SPAG9: variants seen among roughly 807,000 people sequenced by gnomAD.
SPAG9 encodes the protein sperm associated antigen 9, also known as C-Jun-amino-terminal kinase-interacting protein 4.
A neutral mutation model predicts 166.5 loss-of-function variants in SPAG9; 35 were observed. The ratio of observed to expected loss-of-function variants is 0.21; its 90% confidence interval spans 0.16 to 0.28. The LOEUF (loss-of-function observed/expected upper bound fraction) is 0.28, where lower values mean the gene tolerates loss of function less well. Ranked by LOEUF, SPAG9 falls within the 10% of genes least tolerant of loss-of-function variation. SPAG9 has a pLI of 1.00. For synonymous variants in SPAG9, 534 were observed against 565.5 expected (o/e 0.94, Z 0.79); for missense variants, 1,235 against 1,603.3 (o/e 0.77, Z 3.92).
chr17:51,035,996 A>C (rs1215493514), intron 5 of SPAG9, among the ~76,000 whole-genome samples: 1 of 152,214 alleles, frequency 6.6e-6, no homozygotes, highest in African/African-American at 2.4e-5. Context: ...AAGACTAGGA[A>C]AAATGAAGCT....
chr17:50,985,119 T>G (rs1012764881), intron 23 of SPAG9, 129 bp from the exon 24 acceptor site: 2 of 705,214 alleles, frequency 2.8e-6, no homozygotes, highest in Admixed American at 5.0e-5. Context: ...CACCTGAATA[T>G]AAATGAACAC....
chr17:51,100,477 T>C (rs961568455), intron 1 of SPAG9, among the ~76,000 whole-genome samples: 1 of 152,110 alleles, frequency 6.6e-6, no homozygotes, highest in Admixed American at 6.6e-5. Flanking sequence ...TGGTGGTGTC[T>C]GGCTTGATGC....
Position 50,995,125 on chromosome 17 carries a change from C to T in SPAG9, c.2158G>A (p.Asp720Asn), listed in dbSNP as rs1237431261. 1 of 1,614,052 alleles carries T rather than the reference C, an allele frequency of 6.2e-7. No individual in the cohort carries two copies. The highest frequency in any genetic ancestry group is 8.5e-7 in the Non-Finnish European group (1 of 1,179,964). Reference sequence around the variant, plus strand: ...CTTCGCTGTTTACTGCCTTCTGTATCCAAACCAGCAACATCCTTGTAAAAT... The same window carrying T: ...CTTCGCTGTTTACTGCCTTCTGTATTCAAACCAGCAACATCCTTGTAAAAT... ...SVFYKDVAGL[D>N]TEGSKQRSAS... is the part of the protein sequence containing the mutation. Residue 720 changes from aspartate (D) to asparagine (N), a missense_variant, in exon 18 of 30, where the codon GAT (aspartate) becomes AAT (asparagine). This residue lies in a region of SPAG9 where 493 missense variants were observed against 559.4 expected (regional missense o/e 0.88). Coordinates refer to ENST00000262013, the MANE Select transcript of SPAG9 (RefSeq NM_001130528.3).
chr17:51,007,205 A>C (rs2144029671), intron 10 of SPAG9, 64 bp downstream of exon 10: 1 of 917,326 alleles, frequency 1.1e-6, no homozygotes, highest in Middle Eastern at 2.2e-4. Flanking sequence ...AAAACGATGA[A>C]GTGTCATTGA....
chr17:50,982,569 A>G lies in SPAG9; in HGVS notation c.3192T>C (p.Tyr1064=). 2 of 1,614,110 alleles carry G rather than the reference A, an allele frequency of 1.2e-6. No homozygotes were observed. The highest frequency in any genetic ancestry group is 1.7e-6 in the Non-Finnish European group (2 of 1,179,984). The change falls in exon 25 of 30, where the codon TAT becomes TAC. Residue 1064 remains tyrosine (Y), a synonymous_variant. Coordinates refer to ENST00000262013, the MANE Select transcript of SPAG9 (RefSeq NM_001130528.3). The part of the protein sequence containing the change: ...TVVHDKVWCG[Y]RNKIYVVQPK... ...GCTGCACCACATAGATTTTGTTCCTATAGCCACACCAGACTTTGTCATGTA... is the reference window on the plus strand; with the variant it reads ...GCTGCACCACATAGATTTTGTTCCTGTAGCCACACCAGACTTTGTCATGTA...
intron 28 of SPAG9, among the ~76,000 whole-genome samples, chr17:50,972,436 T>G (rs2051314343): frequency 6.6e-6 from 1 of 152,252 alleles, no homozygotes. Flanking sequence ...AAATTACTAG[T>G]AAATGTGCTG....
rs557081595 is a variant in SPAG9 at position 51,112,539 on chromosome 17, C to T, written c.303+7815G>A. Reference sequence around the variant, plus strand: ...TACAAAAATTAGCTGGGTGTGATGGCGCGCGCCTGTAGTCCCAGCTACTCA... The same window carrying T: ...TACAAAAATTAGCTGGGTGTGATGGTGCGCGCCTGTAGTCCCAGCTACTCA... On this transcript the variant is annotated intron_variant, in intron 1 of 29. Transcript: ENST00000262013. 4.0e-5 allele frequency among the ~76,000 whole-genome samples: 6 copies of T among 151,418 alleles called. No individual in the cohort carries two copies. In the East Asian group the frequency reaches 7.8e-4, roughly 20 times the overall value.
At position 51,115,925 on chromosome 17, in the gene SPAG9, C is replaced by T. The variant is rs1056069009; in HGVS notation, c.303+4429G>A. Among the ~76,000 whole-genome samples, 3 of 152,178 alleles carry T rather than the reference C, an allele frequency of 2.0e-5. No homozygotes were observed. The South Asian group carries it at 6.2e-4, about 31-fold the overall frequency. ...TGTAATCTCCCTCTACTGAATGATG[C>T]TAAATGAGCTCTCACTTTGAGAATA... is the stretch of plus-strand genomic sequence containing the variant. On this transcript the variant is annotated intron_variant, in intron 1 of 29. Coordinates refer to ENST00000262013, the MANE Select transcript of SPAG9 (RefSeq NM_001130528.3).
In SPAG9 at chr17:51,120,444, G is replaced by A. The variant is rs997132796; in HGVS notation, c.213C>T (p.His71=). 5.0e-6 allele frequency: 8 copies of A among 1,613,666 alleles called. No homozygotes were observed. Among genetic ancestry groups the A allele is most frequent in the African/African-American group, 4.0e-5 (3 of 74,928 alleles). Residue 71 remains histidine, a synonymous_variant, in exon 1 of 30, where the codon CAC becomes CAT. Transcript: ENST00000262013. This position sits in a 1 kb window ranked among gnomAD's most constrained non-coding sequence, Gnocchi z 4.7. Reference sequence around the variant, plus strand: ...CCCGCAGCAGCTCCAGCTCCACCTGGTGCTCCTGGTCCTGCGCGAACACCG... The same window carrying A: ...CCCGCAGCAGCTCCAGCTCCACCTGATGCTCCTGGTCCTGCGCGAACACCG... ...LDSVFAQDQE[H]QVELELLRDD...
chr17:51,002,173 G>T (rs753611564), intron 12 of SPAG9, among the ~76,000 whole-genome samples: 3 of 151,886 alleles, frequency 2.0e-5, no homozygotes, highest in Non-Finnish European at 4.4e-5. Flanking sequence ...ATGTCAACAC[G>T]CCTGACTAAT....
chr17:50,985,124 G>C, intron 23 of SPAG9, 134 bp from the exon 24 acceptor site: 1 of 684,674 alleles, frequency 1.5e-6, no homozygotes, highest in Non-Finnish European at 2.6e-6. Flanking sequence ...GAATATAAAT[G>C]AACACACCAC....
intron 13 of SPAG9, among the ~76,000 whole-genome samples, chr17:51,000,773 A>G (rs1445329191): frequency 1.3e-5 from 2 of 151,850 alleles, no homozygotes; most frequent in East Asian, 3.8e-4. Context: ...AAATAAATAA[A>G]TAAATAAATA....
chr17:50,977,421 T>C (rs529389101), intron 26 of SPAG9, among the ~76,000 whole-genome samples, 200 bp from the exon 27 acceptor site: 6 of 152,330 alleles, frequency 3.9e-5, no homozygotes, highest in Admixed American at 1.3e-4. Context: ...TAAGCTCATA[T>C]TGGGGCTTAT....
In SPAG9 at chr17:51,037,689, T is replaced by TATATATATATATATATATATA. The variant is rs1568028348; in HGVS notation, c.741+3811_741+3812insTATATATATATATATATATAT. ...TTTATATATATATATATATATAGTG[T>TATATATATATATATATATATA]GTGTGTGTGTGTGTGTGTGTGTGTG... On this transcript the variant is annotated intron_variant, in intron 5 of 29. Coordinates refer to ENST00000262013, the MANE Select transcript of SPAG9 (RefSeq NM_001130528.3). Among the ~76,000 whole-genome samples the TATATATATATATATATATATA allele has an allele frequency of 3.9e-4, 32 of 82,574 alleles. 1 individual carries two copies. Among genetic ancestry groups the TATATATATATATATATATATA allele is most frequent in the African/African-American group, 8.8e-4 (21 of 23,830 alleles). The allele number at this position is 82,574 out of a possible 152,430, so 54.2% of individuals were successfully genotyped here.
Position 51,021,190 on chromosome 17 carries a change from T to G in SPAG9, c.959A>C (p.Gln320Pro). The G allele has an allele frequency of 6.2e-7, 1 of 1,614,088 alleles. No homozygotes were observed. The highest frequency in any genetic ancestry group is 2.2e-5 in the East Asian group (1 of 44,856). Residue 320 changes from glutamine (Q) to proline (P), a missense_variant, in exon 7 of 30, where the codon CAG (glutamine) becomes CCG (proline). Transcript: ENST00000262013. ...TACATTTCTAGTTTCCTGGGCTACCTGTACTTCAATGTGTTTGCTTATCTC... is the reference window on the plus strand; with the variant it reads ...TACATTTCTAGTTTCCTGGGCTACCGGTACTTCAATGTGTTTGCTTATCTC... ...KSEISKHIEV[Q>P]VAQETRNVST...
rs377114510 is a variant in SPAG9, at chr17:51,014,401, T to C, written c.1092-48A>G. 7.0e-6 allele frequency: 11 copies of C among 1,562,382 alleles called. No individual in the cohort carries two copies. The African/African-American group carries it at 1.5e-4, about 21-fold the overall frequency. On this transcript the variant is annotated intron_variant, in intron 8 of 29. Transcript: ENST00000262013. ...CCAAATCAACAAATGACAAAGACTT[T>C]TTTGACGCTGTAAAATGAATACAAT... is the stretch of plus-strand genomic sequence containing the variant.
At chr17:51,091,496 T>C (rs1392003207) in intron 1 of SPAG9, among the ~76,000 whole-genome samples, 1 of 151,626 alleles carries the variant, frequency 6.6e-6, no homozygotes, top group Non-Finnish European at 1.5e-5. Flanking sequence ...TGTTTTTTTG[T>C]TGTTGTTGTT....
intron 27 of SPAG9, chr17:50,975,737 C>A: frequency 3.0e-6 from 2 of 656,672 alleles, no homozygotes; most frequent in South Asian, 2.0e-5. Context: ...ACACCTGCTG[C>A]GATGCAGTGA....
chr17:51,077,892 C>G (rs1310028726), intron 2 of SPAG9, among the ~76,000 whole-genome samples: 2 of 151,954 alleles, frequency 1.3e-5, no homozygotes, highest in Admixed American at 1.3e-4. Flanking sequence ...TTCAAGCAAT[C>G]TGCACGCCTC....
Sources: allele counts gnomAD v4.1 joint callset (sites outside exome capture counted in the v4.1 genomes callset), GRCh38; gene constraint gnomAD v4.1.1; regional missense constraint gnomAD v4.1.1; non-coding constraint Gnocchi (gnomAD v3.1); transcripts MANE v1.5; gene names NCBI Gene and HGNC (gene_info 2026-07-23, HGNC 2026-07-21).